Variants in PDXDC1 observed in about 807,000 individuals in gnomAD.
PDXDC1 encodes pyridoxal-dependent decarboxylase domain-containing protein 1.
Under a neutral mutation model 100.1 loss-of-function variants are expected in PDXDC1, and 42 were observed. The observed-to-expected ratio is 0.42, with a 90% CI of 0.33 to 0.54. The LOEUF (loss-of-function observed/expected upper bound fraction) is 0.54, where lower values mean the gene tolerates loss of function less well. PDXDC1 is among the 20% of genes least tolerant of loss of function. PDXDC1 has a pLI of 0.10. For synonymous variants in PDXDC1, 260 were observed against 371.7 expected (o/e 0.70, Z 3.46); for missense variants, 636 against 979.2 (o/e 0.65, Z 4.68).
intron 16 of PDXDC1, chr16:15,083,402 A>T: frequency 1.3e-6 from 2 of 1,487,084 alleles, no homozygotes; most frequent in Non-Finnish European, 1.8e-6. Context: ...CGGTCTCAAA[A>T]AAGAAAAAGA....
intron 13 of PDXDC1, among the ~76,000 whole-genome samples, chr16:15,023,615 C>T (rs1456438583): frequency 2.6e-5 from 4 of 152,250 alleles, no homozygotes; most frequent in South Asian, 2.1e-4. Flanking sequence ...GCCGAGATTG[C>T]GCCTCTGCAC....
At chr16:15,038,442 G>C (rs990051391), downstream of PDXDC1, 11 of 640,132 alleles carry the variant, frequency 1.7e-5, no homozygotes, top group Non-Finnish European at 2.5e-5. Context: ...AATGGGGTCT[G>C]TCAATGGCAT....
chr16:15,090,021 C>T (rs1337899729), intron 16 of PDXDC1, among the ~76,000 whole-genome samples: 1 of 150,920 alleles, frequency 6.6e-6, no homozygotes, highest in Admixed American at 6.6e-5. Flanking sequence ...CCAGCCTGGC[C>T]AACATGGTGA....
intron 13 of PDXDC1, among the ~76,000 whole-genome samples, chr16:15,024,500 G>A (rs1310970740): frequency 3.3e-5 from 5 of 151,878 alleles, no homozygotes; most frequent in Admixed American, 6.6e-5. Flanking sequence ...TCCGCCTCCT[G>A]GGTCCCTGTT....
intron 1 of PDXDC1, among the ~76,000 whole-genome samples, chr16:14,981,062 A>C (rs1434555277): frequency 2.0e-5 from 3 of 152,298 alleles, no homozygotes; most frequent in African/African-American, 7.2e-5. Context: ...AAAGGGATAA[A>C]AAGCATAGGA....
Position 15,125,807 on chromosome 16 carries a change from C to A in PDXDC1, c.1400-13072C>A, listed in dbSNP as rs749848340. 5.0e-5 allele frequency: 63 copies of A among 1,247,780 alleles called. 1 individual carries two copies. The highest frequency in any genetic ancestry group is 6.4e-5 in the Non-Finnish European group (55 of 862,638). The allele number at this position is 1,247,780 out of a possible 1,614,324, so 77.3% of individuals were successfully genotyped here. On this transcript the variant is annotated intron_variant, in intron 16 of 16. Transcript: ENST00000535621. The stretch of plus-strand genomic sequence containing the variant: ...GGTGTGGGGCTCGGGCTCCCAGCCA[C>A]CTGCAGGACGACAGCAGTGGTCAGC...
At chr16:14,976,169 C>T (rs1329052187) in intron 1 of PDXDC1, among the ~76,000 whole-genome samples, 1 of 152,298 alleles carries the variant, frequency 6.6e-6, no homozygotes, top group Non-Finnish European at 1.5e-5. Context: ...TGACATTCTG[C>T]CCTCCCTCAA....
chr16:15,135,273 C>T (rs539070235), intron 16 of PDXDC1: 780 of 1,249,714 alleles, frequency 6.2e-4, no homozygotes, highest in Admixed American at 1.4e-3. Context: ...GGGCGGGCGG[C>T]ACCCACCGTC....
chr16:15,128,180 C>T (rs770929044), intron 16 of PDXDC1: 125 of 1,608,878 alleles, frequency 7.8e-5, no homozygotes, highest in African/African-American at 3.5e-4. Flanking sequence ...GGCGCCCCAA[C>T]GCGGGGGCAG....
intron 16 of PDXDC1, chr16:15,127,508 G>A (rs773343630): frequency 5.8e-6 from 9 of 1,553,940 alleles, no homozygotes; most frequent in African/African-American, 1.4e-5. Context: ...AGGATGGCCA[G>A]GTAGACGGGA....
At chr16:15,140,659 C>T (rs1319038760), downstream of PDXDC1, among the ~76,000 whole-genome samples, 5 of 152,074 alleles carry the variant, frequency 3.3e-5, no homozygotes, top group South Asian at 4.1e-4. Flanking sequence ...CAGAGCTGCC[C>T]GAGTTACAAA....
intron 16 of PDXDC1, chr16:15,132,623 G>T (rs1039925129): frequency 5.2e-6 from 4 of 776,166 alleles, no homozygotes; most frequent in African/African-American, 1.7e-5. Context: ...CAGGCTGGAG[G>T]CTCAGCTCCT....
chr16:15,136,093 C>T (rs1202939666), intron 16 of PDXDC1: 25 of 1,581,970 alleles, frequency 1.6e-5, no homozygotes, highest in Middle Eastern at 2.3e-4. Context: ...CACCTCCACC[C>T]GCTGCACAGT....
intron 16 of PDXDC1, among the ~76,000 whole-genome samples, chr16:15,101,122 G>T (rs867400448): frequency 2.0e-5 from 3 of 152,154 alleles, no homozygotes; most frequent in African/African-American, 7.2e-5. Flanking sequence ...TAGAGCTATC[G>T]TAAGGATTAG....
chr16:15,060,154 A>C (rs1276358918), intron 16 of PDXDC1: 1 of 418,842 alleles, frequency 2.4e-6, no homozygotes, highest in Non-Finnish European at 4.7e-6. Flanking sequence ...CTTATATGTA[A>C]ATGTCTTTCT....
At position 15,110,315 on chromosome 16, in the gene PDXDC1, CCA is replaced by C; in HGVS notation, c.1400-28561_1400-28560del. 7 of 1,084,636 alleles carry C rather than the reference CCA, an allele frequency of 6.5e-6. 1 individual carries two copies. The highest frequency in any genetic ancestry group is 9.3e-6 in the Non-Finnish European group (7 of 754,060). The allele number at this position is 1,084,636 out of a possible 1,614,324, so 67.2% of individuals were successfully genotyped here. A position where few individuals can be genotyped will look rare whatever the true frequency, so the allele number is the denominator to read the frequency against. On this transcript the variant is annotated intron_variant, in intron 16 of 16. Transcript: ENST00000535621. ...CTCAATTTTGAACCCACTGAATTTG[CCA>C]CAAATATTGTAGAAAATATTCTCAA... is the stretch of plus-strand genomic sequence containing the variant.
chr16:15,058,497 C>A (rs969859059), intron 16 of PDXDC1, among the ~76,000 whole-genome samples: 1 of 152,086 alleles, frequency 6.6e-6, no homozygotes, highest in Non-Finnish European at 1.5e-5. Context: ...GAGGCCGAGG[C>A]GGACAGATTG....
Position 15,038,188 on chromosome 16 carries a change from G to C in PDXDC1, c.*1913G>C, listed in dbSNP as rs773953355. On this transcript the variant is annotated 3_prime_UTR_variant, in exon 23 of 23. Transcript: ENST00000396410. ...ATGTTCAACAAAGTGGGGTGGCTCA[G>C]CCAGAGGCGAAGTGGAAAGATTCTG... 1 of 1,612,880 alleles carries C rather than the reference G, an allele frequency of 6.2e-7. No homozygotes were observed. The highest frequency in any genetic ancestry group is 8.5e-7 in the Non-Finnish European group (1 of 1,179,610).
chr16:15,092,895 G>C (rs2046193589), intron 16 of PDXDC1, among the ~76,000 whole-genome samples: 2 of 152,050 alleles, frequency 1.3e-5, no homozygotes, highest in Non-Finnish European at 2.9e-5. Flanking sequence ...CCAACAACTT[G>C]TTTTACTACA....
Sources: gnomAD v4.1 joint callset for allele counts (sites outside exome capture counted in the v4.1 genomes callset) on GRCh38, gnomAD v4.1.1 for gene constraint, MANE v1.5 for transcripts, NCBI Gene and HGNC (gene_info 2026-07-23, HGNC 2026-07-21) for gene names.